The following TRIM24 variants were observed in gnomAD, a reference collection of about 807,000 sequenced individuals.
The protein encoded by TRIM24 is tripartite motif containing 24, also known as transcription intermediary factor 1-alpha.
Under a neutral mutation model 123.9 loss-of-function variants are expected in TRIM24, and 29 were observed. That is an observed-to-expected ratio of 0.23 (90% CI 0.17 to 0.32). The LOEUF (loss-of-function observed/expected upper bound fraction) is 0.32. TRIM24 is among the 10% of genes least tolerant of loss of function. The pLI, the probability that TRIM24 is intolerant of heterozygous loss-of-function variation, is 1.00. For missense variants in TRIM24, 932 were observed against 1,295.3 expected (o/e 0.72, Z 4.31); for synonymous variants, 456 against 461.1 (o/e 0.99, Z 0.14).
At chr7:138,534,726 A>G (rs1796827268) in intron 6 of TRIM24, among the ~76,000 whole-genome samples, 2 of 152,186 alleles carry the variant, frequency 1.3e-5, no homozygotes, top group African/African-American at 4.8e-5. Context: ...GATATCTATT[A>G]GGTCTGCTTG....
rs531700170 is a variant in TRIM24 at position 138,587,566 on chromosome 7, C to T, written c.*2615C>T. The T allele has an allele frequency of 3.3e-5, 5 of 152,306 alleles. No homozygotes were observed. The highest frequency in any genetic ancestry group is 2.0e-4 in the Admixed American group (3 of 15,294). 9.4% of individuals were successfully genotyped at this position (152,306 alleles called of 1,614,324 possible). ...CAAGCATTCCCCCAAAAGTTCAGTG[C>T]GATTCAGGTAACCTTGACCTAAACT... On this transcript the variant is annotated 3_prime_UTR_variant, in exon 19 of 19. Coordinates refer to ENST00000343526, the MANE Select transcript of TRIM24 (RefSeq NM_015905.3).
chr7:138,534,556 T>C (rs1031596457), intron 6 of TRIM24, among the ~76,000 whole-genome samples: 13 of 152,352 alleles, frequency 8.5e-5, no homozygotes, highest in African/African-American at 2.6e-4. Flanking sequence ...AGTTCTAGTT[T>C]GATTGCACTG....
At chr7:138,480,779 G>A (rs1336002992) in intron 1 of TRIM24, among the ~76,000 whole-genome samples, 1 of 151,988 alleles carries the variant, frequency 6.6e-6, no homozygotes, top group Non-Finnish European at 1.5e-5. Flanking sequence ...CTAACATTTT[G>A]TATTATCAAT....
rs1281608403 is a variant in TRIM24, at chr7:138,538,789, T to C, written c.1129T>C (p.Tyr377His). ...CAGTGGCAGCAGTACAGCATTACTT[T>C]ATAGCAAACGACTGGTAAGATAAAG... ...VSSGSSTALL[Y>H]SKRLITYRLR... The change falls in exon 7 of 19, where the codon TAT becomes CAT. Residue 377 changes from tyrosine (Y) to histidine (H), a missense_variant. By Grantham distance (83) the Tyr-to-His change is moderately conservative. This residue lies in a region of TRIM24 where 527 missense variants were observed against 691.3 expected (regional missense o/e 0.76). Transcript: ENST00000343526. 6.2e-7 allele frequency: 1 copy of C among 1,614,008 alleles called. No individual in the cohort carries two copies. The highest frequency in any genetic ancestry group is 8.5e-7 in the Non-Finnish European group (1 of 1,179,924).
intron 1 of TRIM24, among the ~76,000 whole-genome samples, chr7:138,463,992 T>C (rs1795074586): frequency 1.2e-5 from 1 of 81,348 alleles, no homozygotes; most frequent in South Asian, 4.0e-4. Flanking sequence ...ATTTAGACTT[T>C]TTTTTTTTTT....
intron 1 of TRIM24, among the ~76,000 whole-genome samples, chr7:138,481,095 C>T (rs909456569): frequency 3.3e-5 from 5 of 152,024 alleles, no homozygotes; most frequent in Non-Finnish European, 5.9e-5. Flanking sequence ...CAGGTTCAAG[C>T]GATTCTCCTG....
At chr7:138,553,936 G>A (rs184814853) in intron 8 of TRIM24, among the ~76,000 whole-genome samples, 11 of 152,160 alleles carry the variant, frequency 7.2e-5, no homozygotes, top group African/African-American at 2.2e-4. Flanking sequence ...CTTACATACA[G>A]GACAGTCCAG....
intron 1 of TRIM24, among the ~76,000 whole-genome samples, chr7:138,466,027 G>A (rs561166900): frequency 5.9e-5 from 9 of 152,026 alleles, no homozygotes; most frequent in Non-Finnish European, 1.2e-4. Context: ...TTTTTGAGAC[G>A]GAGTCTCACT....
chr7:138,542,728 C>G (rs1162484352), intron 7 of TRIM24, among the ~76,000 whole-genome samples: 2 of 152,112 alleles, frequency 1.3e-5, no homozygotes, highest in African/African-American at 4.8e-5. Context: ...AAATGGAAGT[C>G]CAGAAATTTT....
intron 10 of TRIM24, among the ~76,000 whole-genome samples, chr7:138,569,974 C>G (rs1467196619): frequency 7.3e-6 from 1 of 137,586 alleles, no homozygotes; most frequent in African/African-American, 2.8e-5. Flanking sequence ...GAGGCAGAAT[C>G]TCTCTCTCTG....
At chr7:138,467,239 A>G (rs1227174930) in intron 1 of TRIM24, among the ~76,000 whole-genome samples, 1 of 152,228 alleles carries the variant, frequency 6.6e-6, no homozygotes, top group African/African-American at 2.4e-5. Flanking sequence ...ACATTTTAGA[A>G]TCAGCTTTTC....
At chr7:138,468,742 T>C (rs1339984087) in intron 1 of TRIM24, among the ~76,000 whole-genome samples, 2 of 152,194 alleles carry the variant, frequency 1.3e-5, no homozygotes, top group Non-Finnish European at 2.9e-5. Flanking sequence ...AAACTTCCCA[T>C]GGACTTGCTC....
chr7:138,568,974 C>T (rs1290940323), intron 10 of TRIM24, among the ~76,000 whole-genome samples: 1 of 152,040 alleles, frequency 6.6e-6, no homozygotes, highest in East Asian at 1.9e-4. Flanking sequence ...TATATCATCA[C>T]CAAATTCTCT....
chr7:138,570,764 A>T, intron 10 of TRIM24, 66 bp from the exon 11 acceptor site: 1 of 1,530,198 alleles, frequency 6.5e-7, no homozygotes, highest in Admixed American at 1.9e-5. Flanking sequence ...TGTGTGAGTG[A>T]TTACATAGAT....
In TRIM24 at chr7:138,551,117, A is replaced by G. The variant is rs139586432; in HGVS notation, c.1198A>G (p.Thr400Ala). 13 of 1,613,800 alleles carry G rather than the reference A, an allele frequency of 8.1e-6. No homozygotes were observed. Among genetic ancestry groups the G allele is most frequent in the Admixed American group, 1.7e-5 (1 of 59,998 alleles). Residue 400 changes from threonine to alanine, a missense_variant, in exon 8 of 19, where the codon ACC becomes GCC. Physicochemically the swap from Thr to Ala is moderately conservative, Grantham distance 58. This residue lies in a region of TRIM24 where 527 missense variants were observed against 691.3 expected (regional missense o/e 0.76). Transcript: ENST00000343526. ...LRARCDASPV[T>A]NNTIQFHCDP... is the part of the protein sequence containing the mutation. ...TGCAAGGTGTGATGCATCCCCAGTG[A>G]CCAACAACACCATCCAATTTCACTG...
intron 9 of TRIM24, among the ~76,000 whole-genome samples, chr7:138,562,440 G>T (rs2116652007): frequency 6.6e-6 from 1 of 152,272 alleles, no homozygotes; most frequent in South Asian, 2.1e-4. Flanking sequence ...TTACTGTAGT[G>T]TGGTTCACAG....
intron 1 of TRIM24, among the ~76,000 whole-genome samples, chr7:138,469,765 T>C (rs1200139876): frequency 6.6e-6 from 1 of 152,190 alleles, no homozygotes; most frequent in Non-Finnish European, 1.5e-5. Flanking sequence ...TTTTCAGAAA[T>C]TGAGCTTTAA....
chr7:138,568,408 T>A (rs1362474294), intron 10 of TRIM24, among the ~76,000 whole-genome samples: 18 of 131,286 alleles, frequency 1.4e-4, no homozygotes, highest in Middle Eastern at 3.8e-3. Context: ...TTTTTTTTTT[T>A]TAAAGTCTCT....
rs1305518846 is a variant in TRIM24 at position 138,573,392 on chromosome 7, CTA to C, written c.1879-113_1879-112del. ...TGTTAGAACTTCTCAAATGTGGTAT[CTA>C]TGTTTTGTTATTCGATAATAATTAT... On this transcript the variant is annotated intron_variant, in intron 11 of 18. Coordinates refer to ENST00000343526, the MANE Select transcript of TRIM24 (RefSeq NM_015905.3). 14 of 983,384 alleles carry C rather than the reference CTA, an allele frequency of 1.4e-5. No individual in the cohort carries two copies. In the South Asian group the frequency reaches 1.7e-4, roughly 12 times the overall value. The allele number at this position is 983,384 out of a possible 1,614,324, so 60.9% of individuals were successfully genotyped here.
Sources: allele counts gnomAD v4.1 joint callset (sites outside exome capture counted in the v4.1 genomes callset), GRCh38; gene constraint gnomAD v4.1.1; regional missense constraint gnomAD v4.1.1; transcripts MANE v1.5; gene names NCBI Gene and HGNC (gene_info 2026-07-23, HGNC 2026-07-21).